Variants in PRDM10 observed in about 807,000 individuals in gnomAD.
PRDM10 encodes PR domain zinc finger protein 10.
Under a neutral mutation model 133.1 loss-of-function variants are expected in PRDM10, and 65 were observed. The ratio of observed to expected loss-of-function variants is 0.49; its 90% CI spans 0.40 to 0.60. The LOEUF (loss-of-function observed/expected upper bound fraction) is 0.60, where lower values mean the gene tolerates loss of function less well. Ranked by LOEUF, PRDM10 falls within the 20% of genes least tolerant of loss-of-function variation. The pLI is 0.00. For synonymous variants in PRDM10, 582 were observed against 580.4 expected (o/e 1.00, Z -0.04); for missense variants, 1,137 against 1,507.1 (o/e 0.75, Z 4.07).
intron 3 of PRDM10, among the ~76,000 whole-genome samples, chr11:129,956,119 T>C (rs1565494337): frequency 6.6e-6 from 1 of 152,020 alleles, no homozygotes; most frequent in Non-Finnish European, 1.5e-5. Context: ...GTCAGTAAAG[T>C]CATAATTAAA....
chr11:129,995,972 GA>G (rs1008995503), intron 1 of PRDM10, among the ~76,000 whole-genome samples: 4 of 147,370 alleles, frequency 2.7e-5, no homozygotes, highest in South Asian at 2.2e-4. Context: ...AAAAGAAAAA[GA>G]AAAAAAAAGG....
At chr11:129,964,388 A>G (rs1565499062) in intron 1 of PRDM10, among the ~76,000 whole-genome samples, 2 of 152,246 alleles carry the variant, frequency 1.3e-5, no homozygotes, top group African/African-American at 4.8e-5. Flanking sequence ...AAAGGTATAC[A>G]GTGGACAATC....
chr11:129,907,082 G>C (rs1389589730), intron 19 of PRDM10, among the ~76,000 whole-genome samples: 30 of 152,032 alleles, frequency 2.0e-4, no homozygotes, highest in Admixed American at 2.0e-3. Flanking sequence ...CACAAGAAGA[G>C]AGATGCCTGA....
intron 1 of PRDM10, among the ~76,000 whole-genome samples, chr11:129,999,342 A>G (rs547990452): frequency 6.6e-6 from 1 of 152,322 alleles, no homozygotes; most frequent in South Asian, 2.1e-4. Flanking sequence ...TGGTTGTAGC[A>G]AACATTTCTT....
intron 8 of PRDM10, 93 bp downstream of exon 8, chr11:129,937,505 C>T (rs1175866673): frequency 3.4e-6 from 4 of 1,170,210 alleles, no homozygotes; most frequent in Non-Finnish European, 4.8e-6. Flanking sequence ...CTGAAATATA[C>T]TGAGACAAAA....
intron 1 of PRDM10, among the ~76,000 whole-genome samples, chr11:129,965,494 ATCT>A (rs1951888012): frequency 6.6e-6 from 1 of 152,096 alleles, no homozygotes; most frequent in African/African-American, 2.4e-5. Flanking sequence ...CTCACCCCTC[ATCT>A]TCTTGCGTCT....
chr11:129,942,371 C>A, intron 7 of PRDM10, 55 bp downstream of exon 7: 1 of 1,548,902 alleles, frequency 6.5e-7, no homozygotes, highest in Non-Finnish European at 8.8e-7. Context: ...TTGCAAAAAG[C>A]CCTAAACAAT....
intron 1 of PRDM10, among the ~76,000 whole-genome samples, chr11:129,972,125 C>T (rs1209509316): frequency 6.6e-6 from 1 of 152,256 alleles, no homozygotes; most frequent in East Asian, 1.9e-4. Context: ...GTGTGGGGCC[C>T]GCCAAGCCCA....
chr11:129,942,163 T>C (rs527939196), intron 7 of PRDM10, among the ~76,000 whole-genome samples: 153 of 152,344 alleles, frequency 1.0e-3, no homozygotes, highest in African/African-American at 3.4e-3. Flanking sequence ...CCTGAAGTGC[T>C]GGGATTACAA....
chr11:129,918,316 C>T lies in PRDM10; in HGVS notation c.2214+223G>A, dbSNP rs1950419872. Among the ~76,000 whole-genome samples, 1 of 151,472 alleles carries T rather than the reference C, an allele frequency of 6.6e-6. No homozygotes were observed. The highest frequency in any genetic ancestry group is 2.4e-5 in the African/African-American group (1 of 41,214). ...AAAAAAAAAAGAAAAAGAAAAAGAC[C>T]TCTTACAAGAATTGATCCAAAAAGC... On this transcript the variant is annotated intron_variant, in intron 14 of 20. Transcript: ENST00000360871. The surrounding 1 kb of genome is among the most constrained non-coding windows in gnomAD (Gnocchi z 5.3).
chr11:129,952,147 C>G (rs1951597395), intron 4 of PRDM10, among the ~76,000 whole-genome samples: 1 of 152,174 alleles, frequency 6.6e-6, no homozygotes, highest in Non-Finnish European at 1.5e-5. Flanking sequence ...GTACAACTTT[C>G]CTTTTGAGCA....
intron 1 of PRDM10, among the ~76,000 whole-genome samples, chr11:129,963,629 C>T (rs369133703): frequency 5.9e-5 from 9 of 151,986 alleles, no homozygotes; most frequent in African/African-American, 2.2e-4. Flanking sequence ...CTTTCTCTTT[C>T]TTTCCCTCCC....
chr11:129,983,438 G>A (rs1379969483), intron 1 of PRDM10, among the ~76,000 whole-genome samples: 1 of 151,874 alleles, frequency 6.6e-6, no homozygotes, highest in Non-Finnish European at 1.5e-5. Flanking sequence ...GGTACTACAG[G>A]TGCCCCCCAC....
chr11:129,916,648 G>A (rs1042211704), intron 15 of PRDM10, among the ~76,000 whole-genome samples: 1 of 152,088 alleles, frequency 6.6e-6, no homozygotes, highest in Admixed American at 6.5e-5. Flanking sequence ...AAGTAAGAAA[G>A]GATATTACAG....
chr11:129,923,669 A>AGG lies in PRDM10; in HGVS notation c.1879-267_1879-266insCC. On this transcript the variant is annotated intron_variant, in intron 12 of 20. Transcript: ENST00000360871. This position sits in a 1 kb window ranked among gnomAD's most constrained non-coding sequence, Gnocchi z 4.4. ...GAGAGAGAGAGAGAGAGAGAGAGAG[A>AGG]GAGAGAGAGAGAGAGAGAGAGAGAG... Among the ~76,000 whole-genome samples the AGG allele has an allele frequency of 6.6e-6, 1 of 150,914 alleles. No homozygotes were observed. The highest frequency in any genetic ancestry group is 2.4e-5 in the African/African-American group (1 of 40,822).
At chr11:129,966,239 C>T (rs1951905188) in intron 1 of PRDM10, among the ~76,000 whole-genome samples, 1 of 152,060 alleles carries the variant, frequency 6.6e-6, no homozygotes, top group Non-Finnish European at 1.5e-5. Flanking sequence ...AGGGAGACTC[C>T]ATCTCAAAAC....
At chr11:129,965,760 C>CA (rs1041541639) in intron 1 of PRDM10, among the ~76,000 whole-genome samples, 16 of 148,310 alleles carry the variant, frequency 1.1e-4, no homozygotes, top group South Asian at 2.1e-4. Context: ...TATATATATA[C>CA]AAAAAAAAAG....
At chr11:129,912,023 A>G (rs1238228940) in intron 18 of PRDM10, 62 bp downstream of exon 18, 3 of 1,474,940 alleles carry the variant, frequency 2.0e-6, no homozygotes, top group African/African-American at 2.8e-5. Flanking sequence ...CTTCCCTCTC[A>G]TTAACTCTGA....
intron 6 of PRDM10, among the ~76,000 whole-genome samples, chr11:129,943,340 T>C (rs1951276861): frequency 6.6e-6 from 1 of 152,212 alleles, no homozygotes; most frequent in African/African-American, 2.4e-5. Context: ...GCAGATTACA[T>C]TAAGCCTACA....
Sources: gnomAD v4.1 joint callset for allele counts (sites outside exome capture counted in the v4.1 genomes callset) on GRCh38, gnomAD v4.1.1 for gene constraint, Gnocchi (gnomAD v3.1) non-coding constraint, MANE v1.5 for transcripts, NCBI Gene and HGNC (gene_info 2026-07-23, HGNC 2026-07-21) for gene names.